The following WDFY4 variants were observed in gnomAD, a reference collection of about 807,000 sequenced individuals.
WDFY4 encodes WDFY family member 4.
WDFY4 carries 169 observed loss-of-function variants against 351.9 expected under a neutral mutation model. The ratio of observed to expected loss-of-function variants is 0.48; its 90% CI spans 0.42 to 0.55. WDFY4 has a LOEUF of 0.55. Ranked by LOEUF, WDFY4 falls within the 20% of genes least tolerant of loss-of-function variation. The pLI is 0.00. For missense variants in WDFY4, 3,803 were observed against 3,935.6 expected (o/e 0.97, Z 0.90); for synonymous variants, 1,622 against 1,574.6 (o/e 1.03, Z -0.71).
chr10:48,777,359 T>C (rs2066068019), intron 16 of WDFY4, 60 bp from the exon 17 acceptor site: 7 of 1,435,904 alleles, frequency 4.9e-6, no homozygotes, highest in Middle Eastern at 4.0e-4. Flanking sequence ...CCAGACTAGC[T>C]GTGTCAGTGC....
At chr10:48,958,298 A>G (rs1841701722) in intron 52 of WDFY4, among the ~76,000 whole-genome samples, 2 of 152,332 alleles carry the variant, frequency 1.3e-5, no homozygotes, top group South Asian at 4.1e-4. Flanking sequence ...TAGACACCTC[A>G]CATGCGTCAG....
At chr10:48,925,857 C>G (rs1234876580) in intron 47 of WDFY4, among the ~76,000 whole-genome samples, 1 of 152,146 alleles carries the variant, frequency 6.6e-6, no homozygotes, top group African/African-American at 2.4e-5. Context: ...GTAATTGCCT[C>G]AAACATGCTG....
chr10:48,823,278 A>G (rs956167607), intron 35 of WDFY4: 9 of 1,295,522 alleles, frequency 6.9e-6, no homozygotes, highest in Middle Eastern at 2.1e-4. Flanking sequence ...CTAAAATTCA[A>G]GTTGTCCCAC....
intron 45 of WDFY4, 47 bp from the exon 46 acceptor site, chr10:48,900,174 C>G (rs1589835503): frequency 6.6e-7 from 1 of 1,523,112 alleles, no homozygotes; most frequent in African/African-American, 1.4e-5. Context: ...TGGGGCGTCT[C>G]TAGTCCACAA....
intron 30 of WDFY4, among the ~76,000 whole-genome samples, chr10:48,812,522 T>C (rs1398034985): frequency 2.6e-5 from 4 of 152,120 alleles, no homozygotes; most frequent in Non-Finnish European, 5.9e-5. Flanking sequence ...CAGTTTTTCC[T>C]TTTCTACCAA....
At chr10:48,891,529 T>C (rs770445461) in intron 44 of WDFY4, among the ~76,000 whole-genome samples, 7 of 152,252 alleles carry the variant, frequency 4.6e-5, no homozygotes, top group Non-Finnish European at 1.0e-4. Context: ...GAGTTCTTCG[T>C]GCAGAGATAG....
intron 47 of WDFY4, among the ~76,000 whole-genome samples, chr10:48,941,150 G>A (rs1840732682): frequency 6.6e-6 from 1 of 152,168 alleles, no homozygotes. Context: ...GTGCAACCCT[G>A]CCCCGTGGTT....
chr10:48,945,363 G>A (rs374927856), intron 49 of WDFY4, among the ~76,000 whole-genome samples: 24 of 152,156 alleles, frequency 1.6e-4, no homozygotes, highest in East Asian at 5.8e-4. Flanking sequence ...GCAACAGAGC[G>A]AGATTCTGTC....
intron 44 of WDFY4, 93 bp downstream of exon 44, chr10:48,890,820 CA>C (rs2070665332): frequency 6.7e-7 from 1 of 1,502,044 alleles, no homozygotes. Flanking sequence ...CTTGTTCTTA[CA>C]GTGGGCTTAG....
At chr10:48,716,822 G>C (rs2063925571) in intron 2 of WDFY4, among the ~76,000 whole-genome samples, 1 of 152,170 alleles carries the variant, frequency 6.6e-6, no homozygotes, top group Admixed American at 6.5e-5. Context: ...GGAGTTGCAG[G>C]GATTTGTTAG....
chr10:48,841,214 T>G (rs1395684467), intron 39 of WDFY4, among the ~76,000 whole-genome samples: 1 of 152,244 alleles, frequency 6.6e-6, no homozygotes, highest in Non-Finnish European at 1.5e-5. Context: ...CATTGGGCTG[T>G]TCAGCTCTTG....
chr10:48,883,092 G>A (rs566878116), intron 43 of WDFY4, among the ~76,000 whole-genome samples: 2 of 152,342 alleles, frequency 1.3e-5, no homozygotes, highest in African/African-American at 2.4e-5. Flanking sequence ...TATTGGGCTT[G>A]GAGTTGTGGC....
chr10:48,909,267 C>T (rs1837796262), intron 47 of WDFY4, among the ~76,000 whole-genome samples: 1 of 152,126 alleles, frequency 6.6e-6, no homozygotes, highest in Non-Finnish European at 1.5e-5. Flanking sequence ...TACAAGTCTG[C>T]CATTTTATTT....
intron 11 of WDFY4, among the ~76,000 whole-genome samples, chr10:48,740,204 T>G (rs2064807834): frequency 6.6e-6 from 1 of 152,166 alleles, no homozygotes; most frequent in South Asian, 2.1e-4. Flanking sequence ...ACGGATTGAC[T>G]TTTCATGGCA....
chr10:48,818,441 T>C (rs1335879460), intron 32 of WDFY4, among the ~76,000 whole-genome samples: 2 of 152,122 alleles, frequency 1.3e-5, no homozygotes, highest in Non-Finnish European at 2.9e-5. Context: ...AAAACCTGAA[T>C]TGCCACCTGA....
At chr10:48,866,014 G>A (rs534394345) in intron 39 of WDFY4, among the ~76,000 whole-genome samples, 31 of 151,858 alleles carry the variant, frequency 2.0e-4, no homozygotes, top group Admixed American at 3.9e-4. Flanking sequence ...CAATTTTATC[G>A]ATCTTTCCAA....
chr10:48,757,072 T>C (rs1342136610), intron 12 of WDFY4, among the ~76,000 whole-genome samples: 1 of 152,116 alleles, frequency 6.6e-6, no homozygotes, highest in Non-Finnish European at 1.5e-5. Flanking sequence ...AAGGTTTCTT[T>C]GTGGGCAGGT....
chr10:48,727,777 C>A (rs753007187), intron 7 of WDFY4, 118 bp downstream of exon 7: 2 of 1,291,642 alleles, frequency 1.5e-6, no homozygotes, highest in African/African-American at 1.5e-5. Flanking sequence ...GCCAGAGAGA[C>A]CTCTTATTTG....
chr10:48,728,836 G>T (rs2064358096), intron 7 of WDFY4, among the ~76,000 whole-genome samples: 1 of 152,206 alleles, frequency 6.6e-6, no homozygotes, highest in Admixed American at 6.5e-5. Flanking sequence ...GCAGGAGAGG[G>T]GACAGAAACC....
Sources: gnomAD v4.1 joint callset for allele counts (sites outside exome capture counted in the v4.1 genomes callset) on GRCh38, gnomAD v4.1.1 for gene constraint, MANE v1.5 for transcripts, NCBI Gene and HGNC (gene_info 2026-07-23, HGNC 2026-07-21) for gene names.